Variants in CGGBP1 observed in about 807,000 individuals in gnomAD.
CGGBP1 encodes the protein CGG triplet repeat binding protein 1, also known as CGG triplet repeat-binding protein 1.
A neutral mutation model predicts 11.4 loss-of-function variants in CGGBP1; 4 were observed. The ratio of observed to expected loss-of-function variants is 0.35; its 90% confidence interval spans 0.17 to 0.80. The LOEUF (loss-of-function observed/expected upper bound fraction) is 0.80, where lower values mean the gene tolerates loss of function less well. CGGBP1 is among the 30% of genes least tolerant of loss of function. The probability of loss-of-function intolerance (pLI) is 0.52; values close to 1 mark genes in which losing one functional copy is unlikely to be tolerated. For synonymous variants in CGGBP1, 76 were observed against 74.1 expected (o/e 1.03, Z -0.13); for missense variants, 135 against 202.1 (o/e 0.67, Z 2.01).
chr3:88,073,274 GT>G (rs1437744913), intron 2 of CGGBP1, among the ~76,000 whole-genome samples: 6 of 152,082 alleles, frequency 3.9e-5, no homozygotes, highest in Admixed American at 3.9e-4. Flanking sequence ...GCATGCTAAA[GT>G]TTGAGAGCCA....
intron 2 of CGGBP1, among the ~76,000 whole-genome samples, chr3:88,128,248 A>G (rs1706237121): frequency 1.3e-5 from 2 of 152,154 alleles, no homozygotes; most frequent in South Asian, 4.1e-4. Flanking sequence ...CCTTAGTAAT[A>G]CATAAATGTA....
At chr3:88,142,213 A>G (rs1707166893) in intron 1 of CGGBP1, 1 of 152,308 alleles carries the variant, frequency 6.6e-6, no homozygotes, top group Non-Finnish European at 1.5e-5. Flanking sequence ...GCTATCAATT[A>G]AAGATTGTAA....
At chr3:88,134,691 A>G (rs1706667020) in intron 2 of CGGBP1, among the ~76,000 whole-genome samples, 2 of 152,108 alleles carry the variant, frequency 1.3e-5, no homozygotes, top group Admixed American at 1.3e-4. Context: ...AGAGTCTACA[A>G]CATTGTTTTC....
chr3:88,086,416 A>T (rs1708336751), intron 2 of CGGBP1: 3 of 1,478,318 alleles, frequency 2.0e-6, no homozygotes, highest in South Asian at 2.7e-5. Flanking sequence ...AGTACTTTTT[A>T]CTTCTTATAA....
upstream of CGGBP1, among the ~76,000 whole-genome samples, chr3:88,063,284 C>CT (rs1216256152): frequency 2.0e-5 from 3 of 152,174 alleles, no homozygotes; most frequent in African/African-American, 7.2e-5. Flanking sequence ...CTTTGGGACT[C>CT]TTAGTGGGTA....
chr3:88,081,484 T>C (rs1342257501), intron 2 of CGGBP1, among the ~76,000 whole-genome samples: 1 of 152,216 alleles, frequency 6.6e-6, no homozygotes, highest in African/African-American at 2.4e-5. Flanking sequence ...ATGGTGCTTC[T>C]CTGTTTGTCT....
chr3:88,102,817 CTTT>C (rs10701359), intron 2 of CGGBP1, among the ~76,000 whole-genome samples: 14 of 106,546 alleles, frequency 1.3e-4, no homozygotes, highest in Non-Finnish European at 2.0e-4. Context: ...CCTCTACTGT[CTTT>C]TTTTTTTTTT....
chr3:88,133,730 G>A (rs1706601275), intron 2 of CGGBP1, among the ~76,000 whole-genome samples: 1 of 152,058 alleles, frequency 6.6e-6, no homozygotes. Context: ...AGCACTAAAT[G>A]AAATATGATC....
chr3:88,086,325 T>G, intron 2 of CGGBP1: 1 of 1,535,174 alleles, frequency 6.5e-7, no homozygotes, highest in Non-Finnish European at 8.7e-7. Flanking sequence ...AGACTGCCCT[T>G]TGTTGTTTTA....
At chr3:88,128,970 T>A in intron 2 of CGGBP1, 1 of 1,535,058 alleles carries the variant, frequency 6.5e-7, no homozygotes, top group Non-Finnish European at 8.7e-7. Context: ...ACTCTTCACA[T>A]GTCTGTTTAT....
At chr3:88,095,521 CT>C (rs1416074174) in intron 2 of CGGBP1, 1 of 488,268 alleles carries the variant, frequency 2.0e-6, no homozygotes, top group Non-Finnish European at 4.1e-6. Context: ...ACATTAGCTT[CT>C]TTTGCAAGAA....
intron 1 of CGGBP1, chr3:88,143,402 C>T (rs1000255636): frequency 6.6e-6 from 1 of 151,946 alleles, no homozygotes; most frequent in East Asian, 1.9e-4. Context: ...TCTTTAAGGT[C>T]AGCTAAAAAA....
chr3:88,149,139 C>T (rs2107924875), intron 1 of CGGBP1, among the ~76,000 whole-genome samples: 1 of 152,276 alleles, frequency 6.6e-6, no homozygotes, highest in Middle Eastern at 3.4e-3. Flanking sequence ...ATGTGTGTTG[C>T]TACCATGCCA....
intron 2 of CGGBP1, among the ~76,000 whole-genome samples, chr3:88,132,316 A>G (rs560664051): frequency 6.6e-6 from 1 of 152,290 alleles, no homozygotes; most frequent in Non-Finnish European, 1.5e-5. Flanking sequence ...CTTAATGGTA[A>G]TATTAGTAGT....
chr3:88,104,070 G>A (rs1363252742), intron 2 of CGGBP1, among the ~76,000 whole-genome samples: 2 of 151,802 alleles, frequency 1.3e-5, no homozygotes, highest in Non-Finnish European at 2.9e-5. Flanking sequence ...CTTTCAGTTC[G>A]AGAAAATATA....
At chr3:88,094,033 G>C (rs113609658) in intron 2 of CGGBP1, among the ~76,000 whole-genome samples, 2 of 151,544 alleles carry the variant, frequency 1.3e-5, no homozygotes. Context: ...TGTGAACTTA[G>C]TCATTTGAGA....
intron 2 of CGGBP1, among the ~76,000 whole-genome samples, chr3:88,137,705 A>G (rs1706882553): frequency 6.6e-6 from 1 of 152,188 alleles, no homozygotes; most frequent in African/African-American, 2.4e-5. Flanking sequence ...CAAAGAATGA[A>G]TAGGAGGATC....
intron 2 of CGGBP1, chr3:88,138,941 A>G: frequency 4.0e-6 from 5 of 1,237,214 alleles, no homozygotes; most frequent in Non-Finnish European, 5.0e-6. Flanking sequence ...AATATAATGA[A>G]GGCACAAGTA....
rs562679852 is a variant in CGGBP1, at chr3:88,130,040, T to G, written c.-229+10930A>C. The stretch of plus-strand genomic sequence containing the variant: ...ACTGATAGTGTAAATGTTTAAGGGA[T>G]GTGCTATAATGAAACAGTGGTTTGA... On this transcript the variant is annotated intron_variant, in intron 2 of 3. Transcript: ENST00000462901. Among the ~76,000 whole-genome samples the G allele has an allele frequency of 3.7e-4, 57 of 152,312 alleles. 1 individual carries two copies. In the South Asian group the frequency reaches 0.011, roughly 29 times the overall value.
Sources: gnomAD v4.1 joint callset for allele counts (sites outside exome capture counted in the v4.1 genomes callset) on GRCh38, gnomAD v4.1.1 for gene constraint, MANE v1.5 for transcripts, NCBI Gene and HGNC (gene_info 2026-07-23, HGNC 2026-07-21) for gene names.